Variants in SULF2 observed in about 807,000 individuals in gnomAD.
The protein encoded by SULF2 is sulfatase 2, also known as extracellular sulfatase Sulf-2.
SULF2 carries 52 observed loss-of-function variants against 107.7 expected under a neutral mutation model. The ratio of observed to expected loss-of-function variants is 0.48; its 90% CI spans 0.39 to 0.61. SULF2 has a LOEUF of 0.61. SULF2 is among the 20% of genes least tolerant of loss of function. The pLI, the probability that SULF2 is intolerant of heterozygous loss-of-function variation, is 0.00. For missense variants in SULF2, 993 were observed against 1,177.3 expected, an observed-to-expected ratio of 0.84 and a Z score of 2.29; for synonymous variants, 460 against 464.3, an observed-to-expected ratio of 0.99 and a Z score of 0.12.
chr20:47,659,795 AC>A, intron 18 of SULF2, 65 bp from the exon 19 acceptor site: 1 of 1,228,838 alleles, frequency 8.1e-7, no homozygotes, highest in Non-Finnish European at 1.2e-6. Context: ...ACCCCAACAC[AC>A]CAGAAAACCA....
chr20:47,690,124 A>T lies in SULF2; in HGVS notation c.737+2T>A. Reference sequence around the variant, plus strand: ...TCTGGCAGGCAGAGTGCTGAGGCTTACATGTGCTGAGATGCGTTTGGGAAG... The same window carrying T: ...TCTGGCAGGCAGAGTGCTGAGGCTTTCATGTGCTGAGATGCGTTTGGGAAG... On this transcript the variant is annotated splice_donor_variant, in intron 5 of 20. Coordinates refer to ENST00000688720, the MANE Select transcript of SULF2 (RefSeq NM_001387048.1). LOFTEE classifies it high-confidence loss of function. The T allele has an allele frequency of 6.8e-7, 1 of 1,467,288 alleles. No individual in the cohort carries two copies. The highest frequency in any genetic ancestry group is 9.1e-7 in the Non-Finnish European group (1 of 1,098,904). 90.9% of individuals were successfully genotyped at this position (1,467,288 alleles called of 1,614,324 possible).
At chr20:47,684,774 A>C in intron 5 of SULF2, 193 bp from the exon 6 acceptor site, 1 of 540,648 alleles carries the variant, frequency 1.8e-6, no homozygotes, top group Non-Finnish European at 3.2e-6. Flanking sequence ...GCGTTTCTCC[A>C]CGTGTGAAGT....
chr20:47,666,695 C>T lies in SULF2; in HGVS notation c.1577-207G>A, dbSNP rs542157517. ...CCTCGAGGTGATCACACCGGCAAGA[C>T]GGAAGTCCTGGAGCCAAGAAGCCAC... On this transcript the variant is annotated intron_variant, in intron 11 of 20. Transcript: ENST00000688720. The surrounding 1 kb of genome is among the most constrained non-coding windows in gnomAD (Gnocchi z 5.4). Among the ~76,000 whole-genome samples, 7 of 152,318 alleles carry T rather than the reference C, an allele frequency of 4.6e-5. No individual in the cohort carries two copies. In the East Asian group the frequency reaches 7.7e-4, roughly 17 times the overall value.
chr20:47,661,817 T>C lies in SULF2; in HGVS notation c.2450A>G (p.Lys817Arg), dbSNP rs1167711840. ...HVQLMELRSCKGYKQCNPRTR... is the reference protein window; with the variant it reads ...HVQLMELRSCRGYKQCNPRTR... ...CCGGGGGTTACACTGCTTGTAACCC[T>C]TGCAGCTCCTCAGCTCCATGAGCTG... Residue 817 changes from lysine to arginine, a missense_variant, in exon 18 of 21, where the codon AAG (lysine) becomes AGG (arginine). This residue lies in a region of SULF2 where 497 missense variants were observed against 544.1 expected (regional missense o/e 0.91). Transcript: ENST00000688720. 5 of 1,590,414 alleles carry C rather than the reference T, an allele frequency of 3.1e-6. No homozygotes were observed. The Admixed American group carries it at 6.8e-5, about 22-fold the overall frequency.
chr20:47,744,614 A>G (rs73135293), intron 2 of SULF2, among the ~76,000 whole-genome samples: 13,681 of 152,070 alleles, frequency 0.09, 746 homozygotes, highest in South Asian at 0.2. Context: ...AAAAATCTAT[A>G]GATGGTCTTG....
At chr20:47,749,201 C>G (rs2090110458) in intron 2 of SULF2, among the ~76,000 whole-genome samples, 1 of 152,182 alleles carries the variant, frequency 6.6e-6, no homozygotes, top group East Asian at 1.9e-4. Context: ...ACCTTGAAGC[C>G]ACCAAGCCAG....
intron 2 of SULF2, among the ~76,000 whole-genome samples, chr20:47,751,148 G>T (rs6094811): frequency 1.3e-5 from 2 of 152,232 alleles, no homozygotes; most frequent in African/African-American, 4.8e-5. Flanking sequence ...TAGGTGCTCA[G>T]GAAACACCTG....
intron 2 of SULF2, among the ~76,000 whole-genome samples, 184 bp from the exon 3 acceptor site, chr20:47,737,126 G>A (rs1312153109): frequency 6.6e-6 from 1 of 152,156 alleles, no homozygotes; most frequent in African/African-American, 2.4e-5. Context: ...AAGGACCCTG[G>A]GTCCCGAGTC....
chr20:47,733,103 G>A (rs1459323400), intron 3 of SULF2, among the ~76,000 whole-genome samples: 2 of 152,208 alleles, frequency 1.3e-5, no homozygotes, highest in East Asian at 1.9e-4. Flanking sequence ...TGCAGGGTTT[G>A]TAAAATTAAT....
chr20:47,672,606 C>CCG (rs2087515469), intron 10 of SULF2: 1 of 936,366 alleles, frequency 1.1e-6, no homozygotes, highest in Admixed American at 6.2e-5. Context: ...CGAGATGCCT[C>CCG]CGACAGCCAC....
chr20:47,729,716 T>C (rs375219523), intron 3 of SULF2, among the ~76,000 whole-genome samples: 1 of 152,118 alleles, frequency 6.6e-6, no homozygotes, highest in East Asian at 1.9e-4. Context: ...GGACTCATGC[T>C]TGATGTGCTG....
At position 47,757,207 on chromosome 20, in the gene SULF2, C is replaced by T. The variant is rs577311137; in HGVS notation, c.157G>A (p.Asp53Asn). ...RPNIILVLTDDQDVELGSMQV... is the reference protein window; with the variant it reads ...RPNIILVLTDNQDVELGSMQV... ...GGCTTACCCAGCTCCACATCCTGGT[C>T]GTCCGTCAGCACCAGGATGATGTTG... The change falls in exon 2 of 21, where the codon GAC becomes AAC. Residue 53 changes from aspartate (D) to asparagine (N), a missense_variant. Around this residue, in one of 3 missense-constraint regions of SULF2, gnomAD observed 388 missense variants for 449.2 expected, o/e 0.86. Transcript: ENST00000688720. The T allele has an allele frequency of 4.5e-6, 7 of 1,557,468 alleles. No homozygotes were observed. The highest frequency in any genetic ancestry group is 2.7e-5 in the African/African-American group (2 of 73,526).
intron 3 of SULF2, among the ~76,000 whole-genome samples, chr20:47,709,902 C>CTT (rs36064156): frequency 5.1e-5 from 7 of 137,950 alleles, no homozygotes; most frequent in Non-Finnish European, 7.8e-5. Flanking sequence ...CCTGAAACCA[C>CTT]TTTTTTTTTT....
chr20:47,762,867 C>T (rs1276180913), intron 1 of SULF2, among the ~76,000 whole-genome samples: 1 of 152,356 alleles, frequency 6.6e-6, no homozygotes, highest in Non-Finnish European at 1.5e-5. Context: ...AGTCAAAGCT[C>T]CGGCACCAGA....
At chr20:47,688,276 T>C (rs1006903118) in intron 5 of SULF2, among the ~76,000 whole-genome samples, 2 of 152,184 alleles carry the variant, frequency 1.3e-5, no homozygotes, top group Non-Finnish European at 2.9e-5. Flanking sequence ...CTTTCTCTTT[T>C]TTGGTTTCTT....
At chr20:47,705,026 C>T (rs937078964) in intron 3 of SULF2, among the ~76,000 whole-genome samples, 7 of 152,216 alleles carry the variant, frequency 4.6e-5, no homozygotes, top group Non-Finnish European at 1.0e-4. Flanking sequence ...TGGCAGATGG[C>T]TGACACTTTC....
At chr20:47,764,663 C>A (rs553602372) in intron 1 of SULF2, among the ~76,000 whole-genome samples, 2 of 152,058 alleles carry the variant, frequency 1.3e-5, no homozygotes, top group African/African-American at 4.8e-5. Flanking sequence ...TTGGATGGAG[C>A]CCGAGAGAGA....
chr20:47,737,521 T>G (rs945180017), intron 2 of SULF2, among the ~76,000 whole-genome samples: 1 of 152,110 alleles, frequency 6.6e-6, no homozygotes, highest in African/African-American at 2.4e-5. Flanking sequence ...TGAGGTGCTC[T>G]GCCATCAGCC....
intron 3 of SULF2, among the ~76,000 whole-genome samples, chr20:47,732,043 A>C (rs1480776438): frequency 7.0e-6 from 1 of 143,256 alleles, no homozygotes; most frequent in Non-Finnish European, 1.5e-5. Flanking sequence ...CGTCATCGTC[A>C]TTGCTAACTT....
Sources: allele counts gnomAD v4.1 joint callset (sites outside exome capture counted in the v4.1 genomes callset), GRCh38; gene constraint gnomAD v4.1.1; regional missense constraint gnomAD v4.1.1; non-coding constraint Gnocchi (gnomAD v3.1); transcripts MANE v1.5; gene names NCBI Gene and HGNC (gene_info 2026-07-23, HGNC 2026-07-21).